MBL2: variants seen among roughly 807,000 people sequenced by gnomAD.
MBL2 encodes the protein mannose-binding protein C.
MBL2 carries 6 observed loss-of-function variants against 12.7 expected under a neutral mutation model. That is an observed-to-expected ratio of 0.47 (90% CI 0.26 to 0.94). The LOEUF (loss-of-function observed/expected upper bound fraction) is 0.94. Ranked by LOEUF, MBL2 falls within the 40% of genes least tolerant of loss-of-function variation. The pLI is 0.15. For synonymous variants in MBL2, 114 were observed against 112.0 expected, an observed-to-expected ratio of 1.02 and a Z score of -0.11; for missense variants, 307 against 295.2, an observed-to-expected ratio of 1.04 and a Z score of -0.29.
rs1037158878 is a variant in MBL2, at chr10:52,767,852, G to T, written c.*285C>A. The T allele has an allele frequency of 3.8e-6, 1 of 262,782 alleles. No homozygotes were observed. Among genetic ancestry groups the T allele is most frequent in the Admixed American group, 4.8e-5 (1 of 20,710 alleles). The allele number at this position is 262,782 out of a possible 1,614,324, so 16.3% of individuals were successfully genotyped here. The stretch of plus-strand genomic sequence containing the variant: ...CTGCAGCAAGTTAACACTATCGAAA[G>T]CATTACAGATTAATTAAACTAGATA... On this transcript the variant is annotated 3_prime_UTR_variant, in exon 5 of 5. Transcript: ENST00000674931.
intron 1 of MBL2, 200 bp from the exon 2 acceptor site, chr10:52,771,844 T>A: frequency 1.4e-6 from 1 of 694,712 alleles, no homozygotes; most frequent in Non-Finnish European, 2.3e-6. Context: ...GGCACTATGA[T>A]GAGCAGTGGG....
In MBL2 at chr10:52,765,450, A is replaced by G. The variant is rs1040816924; in HGVS notation, c.*2687T>C. The G allele has an allele frequency of 6.6e-6, 1 of 152,252 alleles. No individual in the cohort carries two copies. The highest frequency in any genetic ancestry group is 2.4e-5 in the African/African-American group (1 of 41,472). The allele number at this position is 152,252 out of a possible 1,614,324, so 9.4% of individuals were successfully genotyped here. A position where few individuals can be genotyped will look rare whatever the true frequency, so the allele number is the denominator to read the frequency against. Reference sequence around the variant, plus strand: ...TTTTAAAAATCGATATGTGTTATGTATAATATCACATTATCTCATTAAAAA... The same window carrying G: ...TTTTAAAAATCGATATGTGTTATGTGTAATATCACATTATCTCATTAAAAA... On this transcript the variant is annotated 3_prime_UTR_variant, in exon 5 of 5. Coordinates refer to ENST00000674931, the MANE Select transcript of MBL2 (RefSeq NM_001378373.1).
chr10:52,769,138 T>G, intron 4 of MBL2, 109 bp downstream of exon 4: 1 of 705,082 alleles, frequency 1.4e-6, no homozygotes, highest in Non-Finnish European at 2.4e-6. Flanking sequence ...GGTAAGAATA[T>G]GAGAAATGCC....
intron 4 of MBL2, among the ~76,000 whole-genome samples, 161 bp from the exon 5 acceptor site, chr10:52,768,671 T>C (rs544881467): frequency 7.9e-5 from 12 of 152,180 alleles, no homozygotes; most frequent in Non-Finnish European, 1.6e-4. Context: ...ATATCTCCCA[T>C]ATAATTTTTC....
intron 1 of MBL2, 60 bp from the exon 2 acceptor site, chr10:52,771,704 C>A: frequency 6.5e-7 from 1 of 1,529,890 alleles, no homozygotes; most frequent in Non-Finnish European, 8.8e-7. Flanking sequence ...ATTTACCGAG[C>A]ATGCCCTCTG....
chr10:52,770,870 G>T, intron 2 of MBL2, 84 bp from the exon 3 acceptor site: 12 of 701,006 alleles, frequency 1.7e-5, no homozygotes, highest in African/African-American at 3.7e-5. Context: ...TCCCTTCTCA[G>T]GAGAAAGGAG....
In MBL2 at chr10:52,768,092, T is replaced by C. The variant is rs1840332332; in HGVS notation, c.*45A>G. On this transcript the variant is annotated 3_prime_UTR_variant, in exon 5 of 5. Transcript: ENST00000674931. ...TCTTTTCAAGCATACTGTGGGCCTG[T>C]GGGTTGCAGTAAAAAGACAAGGAGG... 1 of 1,543,710 alleles carries C rather than the reference T, an allele frequency of 6.5e-7. No individual in the cohort carries two copies. The highest frequency in any genetic ancestry group is 8.7e-7 in the Non-Finnish European group (1 of 1,145,346).
chr10:52,770,839 C>T, intron 2 of MBL2, 53 bp from the exon 3 acceptor site: 1 of 1,060,514 alleles, frequency 9.4e-7, no homozygotes, highest in Middle Eastern at 2.3e-4. Context: ...TGCTCTCTCT[C>T]TTCAAGAGTT....
At chr10:52,768,888 T>C (rs560533854) in intron 4 of MBL2, among the ~76,000 whole-genome samples, 8 of 152,114 alleles carry the variant, frequency 5.3e-5, no homozygotes, top group Non-Finnish European at 1.2e-4. Context: ...AAAAAATGTC[T>C]GAAAATATTT....
Position 52,768,266 on chromosome 10 carries a change from T to C in MBL2, c.618A>G (p.Thr206=). Residue 206 remains threonine (T), a synonymous_variant, in exon 5 of 5, where the codon ACA becomes ACG. Coordinates refer to ENST00000674931, the MANE Select transcript of MBL2 (RefSeq NM_001378373.1). The part of the protein sequence containing the change: ...VDLTGNRLTY[T]NWNEGEPNNA... ...TGTTGGGTTCACCCTCGTTCCAGTT[T>C]GTGTAGGTCAGTCTATTTCCTGTCA... 6.2e-7 allele frequency: 1 copy of C among 1,613,912 alleles called. No homozygotes were observed. Among genetic ancestry groups the C allele is most frequent in the Non-Finnish European group, 8.5e-7 (1 of 1,180,016 alleles).
rs1840337890 is a variant in MBL2 at position 52,768,330 on chromosome 10, C to T, written c.554G>A (p.Gly185Asp). ...CCCTTCTGTCTTCTCATCAGTGATG[C>T]CCAGGAAGGCTTCCTCCTTGATGAG... is the stretch of plus-strand genomic sequence containing the variant. ...QNLIKEEAFL[G>D]ITDEKTEGQF... The change falls in exon 5 of 5, where the codon GGC (glycine) becomes GAC (aspartate). Residue 185 changes from glycine (G) to aspartate (D), a missense_variant. Physicochemically the swap from Gly to Asp is moderately conservative, Grantham distance 94 (BLOSUM62 -1). Transcript: ENST00000674931. 1 of 1,613,678 alleles carries T rather than the reference C, an allele frequency of 6.2e-7. No homozygotes were observed. Among genetic ancestry groups the T allele is most frequent in the African/African-American group, 1.3e-5 (1 of 74,740 alleles).
rs1685094634 is a variant in MBL2 at position 52,767,950 on chromosome 10, C to T, written c.*187G>A. On this transcript the variant is annotated 3_prime_UTR_variant, in exon 5 of 5. Coordinates refer to ENST00000674931, the MANE Select transcript of MBL2 (RefSeq NM_001378373.1). ...TATTATATAATTAGCATGACTACTA[C>T]TGCTGCTGCTAACTACTACTACTAC... 1 of 535,788 alleles carries T rather than the reference C, an allele frequency of 1.9e-6. No homozygotes were observed. The highest frequency in any genetic ancestry group is 1.9e-5 in the African/African-American group (1 of 51,840). The allele number at this position is 535,788 out of a possible 1,614,324, so 33.2% of individuals were successfully genotyped here.
In MBL2 at chr10:52,772,774, G is replaced by A. The variant is rs899764363; in HGVS notation, c.-47C>T. The A allele has an allele frequency of 1.4e-5, 14 of 985,038 alleles. No homozygotes were observed. The highest frequency in any genetic ancestry group is 5.2e-4 in the Middle Eastern group (1 of 1,936). 61.0% of individuals were successfully genotyped at this position (985,038 alleles called of 1,614,324 possible). ...AGAGCAGGGACTCAGTGACAAGGACGCTGGCCCTCTAGCCTGGGGCTCTGG... is the reference window on the plus strand; with the variant it reads ...AGAGCAGGGACTCAGTGACAAGGACACTGGCCCTCTAGCCTGGGGCTCTGG... On this transcript the variant is annotated 5_prime_UTR_variant, in exon 1 of 5. Coordinates refer to ENST00000674931, the MANE Select transcript of MBL2 (RefSeq NM_001378373.1).
intron 2 of MBL2, 90 bp from the exon 3 acceptor site, chr10:52,770,876 A>G (rs1982266): frequency 0.55 from 357,324 of 655,040 alleles, 100,694 homozygotes; most frequent in Admixed American, 0.67. Flanking sequence ...CTCAGGAGAA[A>G]GGAGACCTTG....
chr10:52,771,858 C>A (rs1840398374), intron 1 of MBL2, among the ~76,000 whole-genome samples: 1 of 152,126 alleles, frequency 6.6e-6, no homozygotes, highest in Non-Finnish European at 1.5e-5. Context: ...CAGTGGGGAT[C>A]CTAAGGAGGG....
chr10:52,767,948 T>C lies in MBL2; in HGVS notation c.*189A>G, dbSNP rs1840330434. 3 of 528,766 alleles carry C rather than the reference T, an allele frequency of 5.7e-6. No individual in the cohort carries two copies. The highest frequency in any genetic ancestry group is 5.2e-4 in the Middle Eastern group (1 of 1,918). 32.8% of individuals were successfully genotyped at this position (528,766 alleles called of 1,614,324 possible). A position where few individuals can be genotyped will look rare whatever the true frequency, so the allele number is the denominator to read the frequency against. Reference sequence around the variant, plus strand: ...AATATTATATAATTAGCATGACTACTACTGCTGCTGCTAACTACTACTACT... The same window carrying C: ...AATATTATATAATTAGCATGACTACCACTGCTGCTGCTAACTACTACTACT... On this transcript the variant is annotated 3_prime_UTR_variant, in exon 5 of 5. Coordinates refer to ENST00000674931, the MANE Select transcript of MBL2 (RefSeq NM_001378373.1).
rs35410606 is a variant in MBL2 at position 52,772,694 on chromosome 10, C to A, written c.-10+43G>T. ...CCAGGGTCATGTCAGCTCCCCAAAC[C>A]CTTGATCCGGAAACCCAGATTTATT... On this transcript the variant is annotated intron_variant, in intron 1 of 4. Transcript: ENST00000674931. The A allele has an allele frequency of 2.6e-5, 26 of 984,270 alleles. 1 individual carries two copies. The East Asian group carries it at 1.6e-3, about 60-fold the overall frequency. 61.0% of individuals were successfully genotyped at this position (984,270 alleles called of 1,614,324 possible).
chr10:52,768,155 G>T lies in MBL2; in HGVS notation c.729C>A (p.Val243=), dbSNP rs1029491549. 2.5e-6 allele frequency: 4 copies of T among 1,606,068 alleles called. No individual in the cohort carries two copies. The highest frequency in any genetic ancestry group is 3.4e-6 in the Non-Finnish European group (4 of 1,176,012). The part of the protein sequence containing the change: ...DVPCSTSHLA[V]CEFPI ...TGACCCTTCAGATAGGGAACTCACAGACGGCCAGATGGGAGGTGGAGCAGG... is the reference window on the plus strand; with the variant it reads ...TGACCCTTCAGATAGGGAACTCACATACGGCCAGATGGGAGGTGGAGCAGG... Residue 243 remains valine (V), a synonymous_variant, in exon 5 of 5, where the codon GTC becomes GTA. Transcript: ENST00000674931.
chr10:52,770,643 C>G (rs748400924), intron 3 of MBL2, 27 bp downstream of exon 3: 25 of 1,334,186 alleles, frequency 1.9e-5, no homozygotes, highest in Non-Finnish European at 2.1e-5. Flanking sequence ...TGGGTGAAGT[C>G]AGCTCAGACC....
Sources: gnomAD v4.1 joint callset for allele counts (sites outside exome capture counted in the v4.1 genomes callset) on GRCh38, gnomAD v4.1.1 for gene constraint, MANE v1.5 for transcripts, NCBI Gene and HGNC (gene_info 2026-07-23, HGNC 2026-07-21) for gene names.